Variants in TBL1XR1 observed in about 807,000 individuals in gnomAD.
TBL1XR1 encodes TBL1X/Y related 1.
A neutral mutation model predicts 66.9 loss-of-function variants in TBL1XR1; 5 were observed. The ratio of observed to expected loss-of-function variants is 0.07; its 90% CI spans 0.04 to 0.16. TBL1XR1 has a LOEUF of 0.16. TBL1XR1 is among the 10% of genes least tolerant of loss of function. TBL1XR1 has a pLI of 1.00. For synonymous variants in TBL1XR1, 210 were observed against 206.0 expected (o/e 1.02, Z -0.17); for missense variants, 238 against 623.2 (o/e 0.38, Z 6.58).
chr3:177,098,592 T>G, intron 1 of TBL1XR1, 51 bp from the exon 2 acceptor site: 1 of 922,418 alleles, frequency 1.1e-6, no homozygotes, highest in Non-Finnish European at 1.3e-6. Context: ...CAAATTCAGT[T>G]TAAAAGATTT....
intron 1 of TBL1XR1, among the ~76,000 whole-genome samples, chr3:177,107,057 A>G (rs1724976640): frequency 6.6e-6 from 1 of 152,206 alleles, no homozygotes; most frequent in African/African-American, 2.4e-5. Flanking sequence ...ACTCTTCACA[A>G]CTAAACAGCT....
At chr3:177,120,530 T>G (rs1336985534) in intron 1 of TBL1XR1, among the ~76,000 whole-genome samples, 1 of 152,184 alleles carries the variant, frequency 6.6e-6, no homozygotes, top group Non-Finnish European at 1.5e-5. Flanking sequence ...TACGTTCCCT[T>G]ACACTTAAGA....
chr3:177,171,702 CAAAAAAAAAAAAAA>C (rs34278942), intron 1 of TBL1XR1, among the ~76,000 whole-genome samples: 1 of 47,306 alleles, frequency 2.1e-5, no homozygotes, highest in South Asian at 1.1e-3. Context: ...GACTCCGTCT[CAAAAAAAAAAAAAA>C]AAAAAAAAAA....
At chr3:177,163,466 G>A (rs1364033916) in intron 1 of TBL1XR1, among the ~76,000 whole-genome samples, 4 of 151,652 alleles carry the variant, frequency 2.6e-5, no homozygotes, top group Admixed American at 2.0e-4. Flanking sequence ...CCAAGATCAT[G>A]CCATTACCAT....
chr3:177,038,497 G>A, intron 10 of TBL1XR1, 63 bp from the exon 11 acceptor site: 2 of 1,402,932 alleles, frequency 1.4e-6, no homozygotes, highest in Non-Finnish European at 1.9e-6. Flanking sequence ...AAGAGTTTTA[G>A]CTTTGAACCA....
At position 177,028,661 on chromosome 3, in the gene TBL1XR1, T is replaced by A. The variant is rs555460256; in HGVS notation, c.1417-2187A>T. On this transcript the variant is annotated intron_variant, in intron 14 of 15. Coordinates refer to ENST00000457928, the MANE Select transcript of TBL1XR1 (RefSeq NM_024665.7). ...CGTATTTATGGGTGATAAAACTCAATAACGATTTTCCCTAATTTCACCTAT... is the reference window on the plus strand; with the variant it reads ...CGTATTTATGGGTGATAAAACTCAAAAACGATTTTCCCTAATTTCACCTAT... 5.3e-4 allele frequency among the ~76,000 whole-genome samples: 80 copies of A among 152,304 alleles called. No homozygotes were observed. In the South Asian group the frequency reaches 7.9e-3, roughly 15 times the overall value.
intron 3 of TBL1XR1, among the ~76,000 whole-genome samples, chr3:177,062,786 A>G (rs997472238): frequency 6.6e-6 from 1 of 152,192 alleles, no homozygotes; most frequent in Non-Finnish European, 1.5e-5. Context: ...TTATTTCAAC[A>G]TAAAACACCT....
chr3:177,095,495 A>ATTT (rs75499027), intron 2 of TBL1XR1, among the ~76,000 whole-genome samples: 20 of 70,474 alleles, frequency 2.8e-4, no homozygotes, highest in Admixed American at 1.2e-3. Context: ...GTGCAATTAG[A>ATTT]TTTTTTTTTT....
chr3:177,137,171 A>G (rs1339722588), intron 1 of TBL1XR1, among the ~76,000 whole-genome samples: 1 of 152,248 alleles, frequency 6.6e-6, no homozygotes, highest in Non-Finnish European at 1.5e-5. Flanking sequence ...AAGGCACTAT[A>G]TACTAAAGAA....
intron 2 of TBL1XR1, among the ~76,000 whole-genome samples, chr3:177,068,281 C>T (rs1242304628): frequency 6.6e-6 from 1 of 152,164 alleles, no homozygotes; most frequent in Non-Finnish European, 1.5e-5. Context: ...TCTCAGAAAT[C>T]ACTTGTATAC....
At chr3:177,094,026 C>T (rs1057183863) in intron 2 of TBL1XR1, among the ~76,000 whole-genome samples, 19 of 152,092 alleles carry the variant, frequency 1.2e-4, no homozygotes, top group Non-Finnish European at 8.8e-5. Context: ...GAACAATCAG[C>T]AGAGTAAACA....
At chr3:177,066,470 G>C (rs180889176) in intron 2 of TBL1XR1, among the ~76,000 whole-genome samples, 7 of 152,290 alleles carry the variant, frequency 4.6e-5, no homozygotes, top group Non-Finnish European at 7.4e-5. Context: ...AGCAGGTGTG[G>C]AAGGAATGAG....
intron 1 of TBL1XR1, among the ~76,000 whole-genome samples, chr3:177,180,282 C>T (rs967675310): frequency 6.7e-6 from 1 of 148,408 alleles, no homozygotes; most frequent in African/African-American, 2.5e-5. Context: ...AGAAACAGAG[C>T]CCAGAGATAC....
intron 7 of TBL1XR1, among the ~76,000 whole-genome samples, chr3:177,048,808 A>G (rs1426241428): frequency 6.6e-6 from 1 of 152,222 alleles, no homozygotes; most frequent in Non-Finnish European, 1.5e-5. Context: ...TCAAAACTAT[A>G]AAATGCAGTT....
At chr3:177,101,635 G>A (rs1229626047) in intron 1 of TBL1XR1, among the ~76,000 whole-genome samples, 3 of 152,132 alleles carry the variant, frequency 2.0e-5, no homozygotes, top group African/African-American at 7.2e-5. Context: ...GCAGTAAGAA[G>A]GCCCTTCCCA....
chr3:177,025,622 C>T, intron 15 of TBL1XR1, 98 bp from the exon 16 acceptor site: 1 of 1,172,712 alleles, frequency 8.5e-7, no homozygotes, highest in South Asian at 1.4e-5. Flanking sequence ...TTTCTTAGTT[C>T]CAAGTTTATA....
chr3:177,143,649 T>C (rs1451395265), intron 1 of TBL1XR1, among the ~76,000 whole-genome samples: 2 of 152,236 alleles, frequency 1.3e-5, no homozygotes, highest in African/African-American at 2.4e-5. Flanking sequence ...CATTAAATTA[T>C]TGTAACTACC....
Position 177,053,333 on chromosome 3 carries a change from T to C in TBL1XR1, c.204+440A>G, listed in dbSNP as rs1375513381. 2.6e-5 allele frequency among the ~76,000 whole-genome samples: 4 copies of C among 152,272 alleles called. No homozygotes were observed. The South Asian group carries it at 6.2e-4, about 24-fold the overall frequency. On this transcript the variant is annotated intron_variant, in intron 4 of 15. Transcript: ENST00000457928. ...AAAACAGGGAGGAGCATTTGGCTAA[T>C]GGGCCACAGTATGCTGACCCCTAAG...
At chr3:177,111,165 A>G (rs1364520195) in intron 1 of TBL1XR1, among the ~76,000 whole-genome samples, 3 of 152,004 alleles carry the variant, frequency 2.0e-5, no homozygotes, top group African/African-American at 2.4e-5. Flanking sequence ...CACCATCACC[A>G]TATCATTATT....
Sources: gnomAD v4.1 joint callset for allele counts (sites outside exome capture counted in the v4.1 genomes callset) on GRCh38, gnomAD v4.1.1 for gene constraint, MANE v1.5 for transcripts, NCBI Gene and HGNC (gene_info 2026-07-23, HGNC 2026-07-21) for gene names.